The following LRRIQ1 variants were observed in gnomAD, a reference collection of about 807,000 sequenced individuals.
LRRIQ1 encodes the protein leucine rich repeats and IQ motif containing 1.
Under a neutral mutation model 211.9 loss-of-function variants are expected in LRRIQ1, and 210 were observed. The ratio of observed to expected loss-of-function variants is 0.99; its 90% confidence interval spans 0.89 to 1.11. The LOEUF (loss-of-function observed/expected upper bound fraction) is 1.11. Ranked by LOEUF, LRRIQ1 falls within the 50% of genes most tolerant of loss-of-function variation. The pLI is 0.00. For missense variants in LRRIQ1, 2,136 were observed against 1,939.5 expected (o/e 1.10, Z -1.90); for synonymous variants, 699 against 650.1 (o/e 1.08, Z -1.14).
At chr12:85,200,754 C>T (rs1011056891) in intron 24 of LRRIQ1, among the ~76,000 whole-genome samples, 4 of 152,028 alleles carry the variant, frequency 2.6e-5, no homozygotes, top group Non-Finnish European at 5.9e-5. Flanking sequence ...TTATTGATTT[C>T]GGTTTGTTGA....
intron 23 of LRRIQ1, among the ~76,000 whole-genome samples, chr12:85,160,290 A>G (rs1890795007): frequency 6.6e-6 from 1 of 152,032 alleles, no homozygotes; most frequent in South Asian, 2.1e-4. Flanking sequence ...TAAATTAATG[A>G]AATAACCTTT....
At chr12:85,113,997 C>A (rs1193457779) in intron 15 of LRRIQ1, among the ~76,000 whole-genome samples, 2 of 150,960 alleles carry the variant, frequency 1.3e-5, no homozygotes, top group Non-Finnish European at 2.9e-5. Flanking sequence ...GGGTATAGGA[C>A]CCCCTCATCT....
intron 24 of LRRIQ1, among the ~76,000 whole-genome samples, chr12:85,162,147 C>G (rs1204451504): frequency 6.6e-6 from 1 of 151,870 alleles, no homozygotes; most frequent in African/African-American, 2.4e-5. Context: ...TAAAGATTTC[C>G]TTTACATTCT....
intron 11 of LRRIQ1, among the ~76,000 whole-genome samples, chr12:85,092,733 T>C (rs1257380473): frequency 1.3e-5 from 2 of 152,128 alleles, no homozygotes; most frequent in Non-Finnish European, 1.5e-5. Flanking sequence ...TTGGTGTTTG[T>C]CAAAAGGAAA....
chr12:85,247,222 G>A (rs1895752757), downstream of LRRIQ1, among the ~76,000 whole-genome samples: 2 of 151,534 alleles, frequency 1.3e-5, no homozygotes. Flanking sequence ...AAGTCCTTGG[G>A]CCCTAGGCCT....
chr12:85,229,575 T>C lies in LRRIQ1; in HGVS notation c.4881T>C (p.Asn1627=). The C allele has an allele frequency of 6.2e-7, 1 of 1,612,804 alleles. No homozygotes were observed. The highest frequency in any genetic ancestry group is 8.5e-7 in the Non-Finnish European group (1 of 1,179,236). The change falls in exon 25 of 27, where the codon AAT becomes AAC. Residue 1627 remains asparagine, a synonymous_variant. Coordinates refer to ENST00000393217, the MANE Select transcript of LRRIQ1 (RefSeq NM_001079910.2). ...DTTANEKLER[N]REYTYQWLHT... Reference sequence around the variant, plus strand: ...CTGCAAATGAAAAATTAGAACGGAATAGAGAATATACATACCAATGGCTTC... The same window carrying C: ...CTGCAAATGAAAAATTAGAACGGAACAGAGAATATACATACCAATGGCTTC...
chr12:85,244,735 G>C (rs1295736528), intron 26 of LRRIQ1, 54 bp from the exon 27 acceptor site: 37 of 1,506,620 alleles, frequency 2.5e-5, no homozygotes, highest in Non-Finnish European at 3.2e-5. Flanking sequence ...GCTGCATTCA[G>C]AAAATGCCAT....
intron 10 of LRRIQ1, 110 bp from the exon 11 acceptor site, chr12:85,072,797 A>G: frequency 1.6e-6 from 1 of 627,952 alleles, no homozygotes; most frequent in Non-Finnish European, 2.6e-6. Context: ...GTATAGATTT[A>G]GGTTTTATTT....
At chr12:85,077,107 A>C (rs1353087559) in intron 11 of LRRIQ1, among the ~76,000 whole-genome samples, 1 of 152,170 alleles carries the variant, frequency 6.6e-6, no homozygotes, top group Non-Finnish European at 1.5e-5. Flanking sequence ...CAGACATGGC[A>C]ATCAGTGAAC....
intron 24 of LRRIQ1, among the ~76,000 whole-genome samples, chr12:85,189,126 T>G (rs2136926727): frequency 6.6e-6 from 1 of 152,178 alleles, no homozygotes; most frequent in South Asian, 2.1e-4. Flanking sequence ...GTTAGCTAAT[T>G]CAAAGATGCA....
At chr12:85,133,197 A>G (rs1404608125) in intron 18 of LRRIQ1, among the ~76,000 whole-genome samples, 1 of 152,166 alleles carries the variant, frequency 6.6e-6, no homozygotes, top group Non-Finnish European at 1.5e-5. Context: ...GCAATCCTAT[A>G]TGATTTTTTA....
At chr12:85,151,708 G>T (rs1890256521) in intron 19 of LRRIQ1, among the ~76,000 whole-genome samples, 2 of 151,568 alleles carry the variant, frequency 1.3e-5, no homozygotes, top group South Asian at 4.1e-4. Flanking sequence ...CCAAATTTGG[G>T]CTTAAATTTA....
chr12:85,093,343 A>G (rs1184354985), intron 11 of LRRIQ1, among the ~76,000 whole-genome samples: 1 of 152,174 alleles, frequency 6.6e-6, no homozygotes. Context: ...GGCATCCTTA[A>G]AGAAATGCTG....
intron 24 of LRRIQ1, among the ~76,000 whole-genome samples, chr12:85,224,777 C>T (rs1385462425): frequency 6.6e-6 from 1 of 151,760 alleles, no homozygotes; most frequent in Non-Finnish European, 1.5e-5. Context: ...GGAGAAATAC[C>T]TAATGTAGAT....
At chr12:85,228,600 T>G (rs1348642382) in intron 24 of LRRIQ1, among the ~76,000 whole-genome samples, 1 of 152,186 alleles carries the variant, frequency 6.6e-6, no homozygotes, top group African/African-American at 2.4e-5. Context: ...TTTCACTAAT[T>G]ACAACAGTAA....
chr12:85,200,535 A>T (rs750360800), intron 24 of LRRIQ1, among the ~76,000 whole-genome samples: 24 of 152,102 alleles, frequency 1.6e-4, no homozygotes, highest in Non-Finnish European at 1.0e-4. Flanking sequence ...TTGCCTTGTT[A>T]CAGTTTATAA....
In LRRIQ1 at chr12:85,124,244, G is replaced by A; in HGVS notation, c.3732G>A (p.Leu1244=). The change falls in exon 17 of 27, where the codon CTG becomes CTA. Residue 1244 remains leucine, a synonymous_variant. Coordinates refer to ENST00000393217, the MANE Select transcript of LRRIQ1 (RefSeq NM_001079910.2). The part of the protein sequence containing the change: ...HLAPTNSDST[L]QNGVFYSCAR... ...CCCCTACAAACAGTGACAGCACTCT[G>A]CAAAATGGAGTCTTCTACTCTTGTG... The A allele has an allele frequency of 6.2e-7, 1 of 1,614,066 alleles. No individual in the cohort carries two copies. The highest frequency in any genetic ancestry group is 1.1e-5 in the South Asian group (1 of 91,074).
chr12:85,261,240 T>A (rs930253007), intron 1 of LRRIQ1, among the ~76,000 whole-genome samples: 2 of 152,176 alleles, frequency 1.3e-5, no homozygotes, highest in African/African-American at 4.8e-5. Flanking sequence ...TTATCCCTGC[T>A]TTTTAGTGCT....
At chr12:85,114,370 A>C (rs1213326087) in intron 15 of LRRIQ1, among the ~76,000 whole-genome samples, 1 of 152,178 alleles carries the variant, frequency 6.6e-6, no homozygotes, top group Non-Finnish European at 1.5e-5. Context: ...TTGAGCAAAA[A>C]TGACATGAAT....
Sources: allele counts gnomAD v4.1 joint callset (sites outside exome capture counted in the v4.1 genomes callset), GRCh38; gene constraint gnomAD v4.1.1; transcripts MANE v1.5; gene names NCBI Gene and HGNC (gene_info 2026-07-23, HGNC 2026-07-21).